The following COL11A1 variants were observed in gnomAD, a reference collection of about 807,000 sequenced individuals.
COL11A1 encodes the protein collagen type XI alpha 1 chain.
A neutral mutation model predicts 265.2 loss-of-function variants in COL11A1; 74 were observed. The observed-to-expected ratio is 0.28, with a 90% CI of 0.23 to 0.34. COL11A1 has a LOEUF of 0.34. Ranked by LOEUF, COL11A1 falls within the 10% of genes least tolerant of loss-of-function variation. The pLI is 1.00. For synonymous variants in COL11A1, 816 were observed against 727.6 expected (o/e 1.12, Z -1.96); for missense variants, 2,165 against 2,263.6 (o/e 0.96, Z 0.88).
intron 1 of COL11A1, among the ~76,000 whole-genome samples, chr1:103,101,976 C>G (rs1674310403): frequency 6.6e-6 from 1 of 152,014 alleles, no homozygotes; most frequent in African/African-American, 2.4e-5. Context: ...GTCTGGTGAT[C>G]AGCCAATGTC....
chr1:102,958,049 C>T (rs1660539452), intron 41 of COL11A1, among the ~76,000 whole-genome samples: 1 of 152,106 alleles, frequency 6.6e-6, no homozygotes, highest in Non-Finnish European at 1.5e-5. Context: ...ACTCATCACT[C>T]TGTTTCTGTG....
rs202223220 is a variant in COL11A1 at position 102,995,606 on chromosome 1, TA to T, written c.2340+257del. On this transcript the variant is annotated intron_variant, in intron 28 of 66. Coordinates refer to ENST00000370096, the MANE Select transcript of COL11A1 (RefSeq NM_001854.4). Reference sequence around the variant, plus strand: ...ATGATTAACAAAACTTAAGCACATGTAAAAAAAAAAAAAGAAAAAGGATGCA... The same window carrying T: ...ATGATTAACAAAACTTAAGCACATGTAAAAAAAAAAAAGAAAAAGGATGCA... 0.088 allele frequency among the ~76,000 whole-genome samples: 12,640 copies of T among 142,898 alleles called. 570 individuals carry two copies. Among genetic ancestry groups the T allele is most frequent in the African/African-American group, 0.13 (5,281 of 39,274 alleles). 93.7% of individuals were successfully genotyped at this position (142,898 alleles called of 152,430 possible).
Position 102,917,168 on chromosome 1 carries a change from G to C in COL11A1, c.3763-1484C>G, listed in dbSNP as rs149895454. Among the ~76,000 whole-genome samples the C allele has an allele frequency of 1.1e-4, 17 of 151,894 alleles. No homozygotes were observed. The East Asian group carries it at 2.7e-3, about 24-fold the overall frequency. ...ACCTGACTTCAAATTCAACTACAAG[G>C]CTGTAGTAACTAAAAAAGCATATTT... On this transcript the variant is annotated intron_variant, in intron 49 of 66. Transcript: ENST00000370096.
At chr1:102,883,347 C>A (rs1037924572) in intron 63 of COL11A1, 36 bp from the exon 64 acceptor site, 1 of 1,288,026 alleles carries the variant, frequency 7.8e-7, no homozygotes, top group South Asian at 1.2e-5. Flanking sequence ...TATAAAAATT[C>A]ATTGACATCA....
intron 5 of COL11A1, among the ~76,000 whole-genome samples, chr1:103,027,306 A>C (rs573308545): frequency 6.7e-6 from 1 of 148,958 alleles, no homozygotes; most frequent in African/African-American, 2.5e-5. Context: ...ATTATTAAAC[A>C]TAAGTTAAAT....
At chr1:103,074,901 G>A (rs1671855557) in intron 3 of COL11A1, 121 bp from the exon 4 acceptor site, 2 of 1,177,712 alleles carry the variant, frequency 1.7e-6, no homozygotes, top group Non-Finnish European at 2.5e-6. Flanking sequence ...TACAAAAAAT[G>A]TAGGCTCATT....
intron 54 of COL11A1, among the ~76,000 whole-genome samples, chr1:102,908,329 G>A (rs973339640): frequency 2.0e-5 from 3 of 151,572 alleles, no homozygotes; most frequent in East Asian, 1.9e-4. Context: ...TCTCCTAATC[G>A]GATCTTTTTG....
At chr1:103,007,834 C>T (rs1665759562) in intron 15 of COL11A1, among the ~76,000 whole-genome samples, 1 of 146,532 alleles carries the variant, frequency 6.8e-6, no homozygotes, top group South Asian at 2.1e-4. Flanking sequence ...CACACTCCAG[C>T]CTGGGCAACA....
Position 102,877,826 on chromosome 1 carries a change from A to T in COL11A1, c.*193T>A, listed in dbSNP as rs1050739364. 1.8e-6 allele frequency: 1 copy of T among 560,776 alleles called. No individual in the cohort carries two copies. The highest frequency in any genetic ancestry group is 3.0e-5 in the Admixed American group (1 of 33,104). 34.7% of individuals were successfully genotyped at this position (560,776 alleles called of 1,614,324 possible). A position where few individuals can be genotyped will look rare whatever the true frequency, so the allele number is the denominator to read the frequency against. ...GTTTCCATCTTAGCCACACCAACTT[A>T]TATCTTTATGATTTTCAAAGCTTTT... On this transcript the variant is annotated 3_prime_UTR_variant, in exon 67 of 67. Transcript: ENST00000370096.
intron 1 of COL11A1, among the ~76,000 whole-genome samples, chr1:103,087,201 T>C (rs909675862): frequency 2.0e-5 from 3 of 152,240 alleles, no homozygotes; most frequent in Non-Finnish European, 4.4e-5. Flanking sequence ...AAACCATGTG[T>C]ATGCAATTCA....
At chr1:103,102,725 T>C (rs1020136177) in intron 1 of COL11A1, among the ~76,000 whole-genome samples, 6 of 152,054 alleles carry the variant, frequency 3.9e-5, no homozygotes, top group Non-Finnish European at 7.4e-5. Context: ...CTCAGCATTT[T>C]TTAAACTCCA....
At chr1:102,955,970 C>A (rs78435464) in intron 41 of COL11A1, among the ~76,000 whole-genome samples, 1,602 of 152,218 alleles carry the variant, frequency 0.011, 27 homozygotes, top group African/African-American at 0.037. Context: ...TACAACATCA[C>A]GTATACAGGG....
intron 25 of COL11A1, 65 bp downstream of exon 25, chr1:102,998,245 A>C (rs572512215): frequency 7.7e-7 from 1 of 1,302,504 alleles, no homozygotes; most frequent in East Asian, 2.4e-5. Flanking sequence ...TTTCTAAAAC[A>C]CATGTAAAAT....
intron 4 of COL11A1, among the ~76,000 whole-genome samples, chr1:103,032,548 A>G (rs1284027810): frequency 6.6e-6 from 1 of 152,106 alleles, no homozygotes; most frequent in Non-Finnish European, 1.5e-5. Flanking sequence ...TTGAAAAGAT[A>G]TAATCAAATA....
intron 4 of COL11A1, among the ~76,000 whole-genome samples, chr1:103,057,955 G>A (rs1212599457): frequency 6.6e-6 from 1 of 152,182 alleles, no homozygotes. Context: ...CCCCTAACAA[G>A]AGAGTTTGAA....
rs752347298 is a variant in COL11A1 at position 102,887,058 on chromosome 1, T to C, written c.4609-2A>G. ...CTGAATGACTTCACCAGGTGGACCC[T>C]GTAAAGAAGATAATGTGAGTGCAAT... is the stretch of plus-strand genomic sequence containing the variant. On this transcript the variant is annotated splice_acceptor_variant, in intron 62 of 66. Transcript: ENST00000370096. LOFTEE classifies it high-confidence loss of function. The C allele has an allele frequency of 1.2e-6, 2 of 1,613,754 alleles. No homozygotes were observed. The highest frequency in any genetic ancestry group is 1.7e-6 in the Non-Finnish European group (2 of 1,179,780).
rs1024598882 is a variant in COL11A1, at chr1:103,108,150, G to A, written c.29C>T (p.Thr10Met). 6.2e-7 allele frequency: 1 copy of A among 1,613,666 alleles called. No individual in the cohort carries two copies. Among genetic ancestry groups the A allele is most frequent in the Non-Finnish European group, 8.5e-7 (1 of 1,179,938 alleles). Reference protein sequence around the residue: MEPWSSRWKTKRWLWDFTVT... With the variant: MEPWSSRWKMKRWLWDFTVT... ...GGTGAAATCCCAGAGCCACCGTTTC[G>A]TTTTCCACCTAGAGGACCACGGCTC... The change falls in exon 1 of 67, where the codon ACG becomes ATG. Residue 10 changes from threonine (T) to methionine (M), a missense_variant. Transcript: ENST00000370096.
intron 4 of COL11A1, among the ~76,000 whole-genome samples, chr1:103,062,436 A>G (rs1259779293): frequency 1.3e-5 from 2 of 151,990 alleles, no homozygotes; most frequent in East Asian, 3.8e-4. Flanking sequence ...TTAACAAAAT[A>G]TTATCAAATT....
In COL11A1 at chr1:103,018,827, T is replaced by A. The variant is rs372963982; in HGVS notation, c.1341A>T (p.Ala447=). ...TAAAACATTTACATACTGCAGGTCCTGCTGGTCCTGGTGGTCCTTCGACAA... is the reference window on the plus strand; with the variant it reads ...TAAAACATTTACATACTGCAGGTCCAGCTGGTCCTGGTGGTCCTTCGACAA... ...GMLVEGPPGP[A]GPAGIMGPPG... is the part of the protein sequence containing the mutation. Residue 447 remains alanine (A), a synonymous_variant, in exon 10 of 67, where the codon GCA becomes GCT. Coordinates refer to ENST00000370096, the MANE Select transcript of COL11A1 (RefSeq NM_001854.4). 3.7e-6 allele frequency: 6 copies of A among 1,612,394 alleles called. No homozygotes were observed. Among genetic ancestry groups the A allele is most frequent in the Non-Finnish European group, 4.2e-6 (5 of 1,178,706 alleles).
Sources: gnomAD v4.1 joint callset for allele counts (sites outside exome capture counted in the v4.1 genomes callset) on GRCh38, gnomAD v4.1.1 for gene constraint, MANE v1.5 for transcripts, NCBI Gene and HGNC (gene_info 2026-07-23, HGNC 2026-07-21) for gene names.